P4HA2: variants seen among roughly 807,000 people sequenced by gnomAD.
P4HA2 encodes the protein prolyl 4-hydroxylase subunit alpha 2, also known as prolyl 4-hydroxylase subunit alpha-2.
In P4HA2, 46 loss-of-function variants were observed where a neutral mutation model predicts 76.9. The ratio of observed to expected loss-of-function variants is 0.60; its 90% CI spans 0.47 to 0.76. The LOEUF (loss-of-function observed/expected upper bound fraction) is 0.76, where lower values mean the gene tolerates loss of function less well. Ranked by LOEUF, P4HA2 falls within the 30% of genes least tolerant of loss-of-function variation. The probability of loss-of-function intolerance (pLI) is 0.00; values close to 1 mark genes in which losing one functional copy is unlikely to be tolerated. For missense variants in P4HA2, 583 were observed against 669.4 expected (o/e 0.87, Z 1.42); for synonymous variants, 243 against 254.0 (o/e 0.96, Z 0.41).
intron 4 of P4HA2, among the ~76,000 whole-genome samples, chr5:132,216,713 A>T (rs1323908174): frequency 6.6e-6 from 1 of 152,180 alleles, no homozygotes; most frequent in Non-Finnish European, 1.5e-5. Flanking sequence ...CATCCAGCCC[A>T]CTTGACACTT....
intron 4 of P4HA2, among the ~76,000 whole-genome samples, chr5:132,215,543 G>A (rs1376924318): frequency 2.0e-5 from 3 of 151,798 alleles, no homozygotes; most frequent in Non-Finnish European, 4.4e-5. Context: ...CTCCAGCCTG[G>A]CTGAGCTCAC....
intron 4 of P4HA2, among the ~76,000 whole-genome samples, chr5:132,215,717 T>A (rs1267625214): frequency 6.6e-6 from 1 of 152,076 alleles, no homozygotes; most frequent in Non-Finnish European, 1.5e-5. Flanking sequence ...GTGCCTATAG[T>A]CCCAGCTACT....
intron 10 of P4HA2, 141 bp downstream of exon 10, chr5:132,203,606 TA>T (rs1436372861): frequency 1.9e-5 from 12 of 626,868 alleles, no homozygotes; most frequent in Non-Finnish European, 3.5e-5. Context: ...TCTGGTTTCC[TA>T]AAATGAGATC....
chr5:132,207,081 T>C (rs150258897), intron 8 of P4HA2, among the ~76,000 whole-genome samples: 2 of 152,362 alleles, frequency 1.3e-5, no homozygotes, highest in African/African-American at 4.8e-5. Context: ...TAGCTCTTAC[T>C]ATGAAATGTA....
At chr5:132,224,745 A>C (rs917691835) in intron 1 of P4HA2, among the ~76,000 whole-genome samples, 2 of 152,144 alleles carry the variant, frequency 1.3e-5, no homozygotes, top group African/African-American at 4.8e-5. Context: ...CTAGGAACTC[A>C]TGTACTTATA....
At chr5:132,227,437 C>T (rs1273593302) in intron 1 of P4HA2, 1 of 152,398 alleles carries the variant, frequency 6.6e-6, no homozygotes, top group Non-Finnish European at 1.5e-5. Context: ...AGCCGGCAGC[C>T]CGGGGTCAGG....
intron 10 of P4HA2, 147 bp downstream of exon 10, chr5:132,203,601 T>C: frequency 1.6e-6 from 1 of 615,668 alleles, no homozygotes; most frequent in South Asian, 1.9e-5. Context: ...TTAATTCTGG[T>C]TTCCTAAAAT....
In P4HA2 at chr5:132,192,972, G is replaced by A; in HGVS notation, c.*38C>T. The A allele has an allele frequency of 7.4e-7, 1 of 1,343,410 alleles. No individual in the cohort carries two copies. Among genetic ancestry groups the A allele is most frequent in the Non-Finnish European group, 1.1e-6 (1 of 932,882 alleles). 83.2% of individuals were successfully genotyped at this position (1,343,410 alleles called of 1,614,324 possible). A position where few individuals can be genotyped will look rare whatever the true frequency, so the allele number is the denominator to read the frequency against. ...CAAAGGTGTCTGTCACGTTGACATGGGCTGAAGGACCAGGAAGGGGAAGGA... is the reference window on the plus strand; with the variant it reads ...CAAAGGTGTCTGTCACGTTGACATGAGCTGAAGGACCAGGAAGGGGAAGGA... On this transcript the variant is annotated 3_prime_UTR_variant, in exon 15 of 15. Transcript: ENST00000360568.
At chr5:132,195,181 G>T in intron 13 of P4HA2, 159 bp from the exon 14 acceptor site, 1 of 642,874 alleles carries the variant, frequency 1.6e-6, no homozygotes, top group Non-Finnish European at 2.8e-6. Context: ...ACATTTCCCA[G>T]AAAGCACCTA....
At chr5:132,202,570 T>C (rs156027) in intron 10 of P4HA2, 103,399 of 152,096 alleles carry the variant, frequency 0.68, 36,016 homozygotes, top group African/African-American at 0.82. Flanking sequence ...ACTTCTCTGA[T>C]GGTGTCTCAG....
chr5:132,221,137 C>T (rs918805068), intron 1 of P4HA2, among the ~76,000 whole-genome samples: 1 of 152,232 alleles, frequency 6.6e-6, no homozygotes, highest in African/African-American at 2.4e-5. Flanking sequence ...CATCTCATAA[C>T]TATGCCCACA....
rs1240417691 is a variant in P4HA2 at position 132,198,162 on chromosome 5, G to A, written c.1365+159C>T. On this transcript the variant is annotated intron_variant, in intron 12 of 14. Coordinates refer to ENST00000360568, the MANE Select transcript of P4HA2 (RefSeq NM_001017974.2). ...GGGTGGGATATAAGGCAGCCCTCTG[G>A]ACCCAGGGTCCCCTTAGGGCTCATC... 12 of 1,612,962 alleles carry A rather than the reference G, an allele frequency of 7.4e-6. No homozygotes were observed. The Admixed American group carries it at 2.0e-4, about 27-fold the overall frequency.
At chr5:132,215,850 TAAA>T (rs539378974) in intron 4 of P4HA2, among the ~76,000 whole-genome samples, 30,934 of 81,582 alleles carry the variant, frequency 0.38, 6,293 homozygotes, top group Non-Finnish European at 0.44. Context: ...CCTGTCCCTT[TAAA>T]AAAAAAAAAA....
chr5:132,214,114 G>A (rs1358106379), intron 4 of P4HA2, 61 bp from the exon 5 acceptor site: 1 of 1,547,248 alleles, frequency 6.5e-7, no homozygotes, highest in African/African-American at 1.4e-5. Flanking sequence ...TTCCACTTGG[G>A]ACCAGAGAGG....
intron 3 of P4HA2, 69 bp from the exon 4 acceptor site, chr5:132,217,417 C>T: frequency 2.7e-6 from 4 of 1,504,470 alleles, no homozygotes; most frequent in Non-Finnish European, 3.7e-6. Context: ...GACAATTTTC[C>T]TAGTGAGAAT....
In P4HA2 at chr5:132,207,841, C is replaced by A; in HGVS notation, c.947G>T (p.Gly316Val). The A allele has an allele frequency of 6.2e-7, 1 of 1,604,522 alleles. No homozygotes were observed. Among genetic ancestry groups the A allele is most frequent in the Non-Finnish European group, 8.5e-7 (1 of 1,175,586 alleles). ...AATGAGCAGCTGTGGGGCCCTGTTG[C>A]CATGGTGGTACCTACAGAAAAGCCT... ...QKRLFCRYHH[G>V]NRAPQLLIAP... The change falls in exon 8 of 15, where the codon GGC (glycine) becomes GTC (valine). Residue 316 changes from glycine (G) to valine (V), a missense_variant. Gly to Val is a moderately radical substitution (Grantham distance 109, BLOSUM62 -3). Transcript: ENST00000360568.
intron 8 of P4HA2, among the ~76,000 whole-genome samples, chr5:132,206,170 T>G (rs560521699): frequency 2.0e-5 from 3 of 152,206 alleles, no homozygotes; most frequent in Non-Finnish European, 2.9e-5. Flanking sequence ...TGTACACATA[T>G]GCACACATGC....
At chr5:132,223,453 G>A (rs1433172364) in intron 1 of P4HA2, among the ~76,000 whole-genome samples, 1 of 152,098 alleles carries the variant, frequency 6.6e-6, no homozygotes, top group Non-Finnish European at 1.5e-5. Flanking sequence ...AGTAGAGATG[G>A]GGTTTCACCA....
At chr5:132,219,799 A>T (rs1207016044) in intron 1 of P4HA2, among the ~76,000 whole-genome samples, 1 of 152,226 alleles carries the variant, frequency 6.6e-6, no homozygotes, top group Non-Finnish European at 1.5e-5. Context: ...ATACTTGATT[A>T]GACACACAGC....
Sources: gnomAD v4.1 joint callset for allele counts (sites outside exome capture counted in the v4.1 genomes callset) on GRCh38, gnomAD v4.1.1 for gene constraint, MANE v1.5 for transcripts, NCBI Gene and HGNC (gene_info 2026-07-23, HGNC 2026-07-21) for gene names.